Variants in LHX8 observed in about 807,000 individuals in gnomAD.
LHX8 encodes LIM homeobox 8.
In LHX8, 12 loss-of-function variants were observed where a neutral mutation model predicts 40.3. That is an observed-to-expected ratio of 0.30 (90% CI 0.19 to 0.48). LHX8 has a LOEUF of 0.48. Among genes scored for constraint, LHX8 ranks in the 20% least tolerant of loss-of-function variants. The pLI, the probability that LHX8 is intolerant of heterozygous loss-of-function variation, is 0.99. For synonymous variants in LHX8, 179 were observed against 162.0 expected, an observed-to-expected ratio of 1.10 and a Z score of -0.80; for missense variants, 344 against 433.7, an observed-to-expected ratio of 0.79 and a Z score of 1.84.
the LHX8 span, among the ~76,000 whole-genome samples, chr1:75,175,856 G>A: frequency 1.3e-5 from 2 of 152,004 alleles, no homozygotes; most frequent in African/African-American, 2.4e-5. Context: ...GGTGTGTGAT[G>A]TTCCCTGCCC....
rs747922837 is a variant in LHX8 at position 75,160,907 on chromosome 1, G to A, written c.*12G>A. Reference sequence around the variant, plus strand: ...TAAGTCATACCTAATTCTTTTTTCAGGGATAGACTTGATTAAGGATATAAA... The same window carrying A: ...TAAGTCATACCTAATTCTTTTTTCAAGGATAGACTTGATTAAGGATATAAA... On this transcript the variant is annotated 3_prime_UTR_variant, in exon 9 of 9. Coordinates refer to ENST00000356261, the MANE Select transcript of LHX8 (RefSeq NM_001256114.2). 6.3e-7 allele frequency: 1 copy of A among 1,574,886 alleles called. No homozygotes were observed. Among genetic ancestry groups the A allele is most frequent in the East Asian group, 2.2e-5 (1 of 44,680 alleles).
At chr1:75,133,440 G>T (rs1179220525), upstream of LHX8, among the ~76,000 whole-genome samples, 1 of 152,126 alleles carries the variant, frequency 6.6e-6, no homozygotes, top group African/African-American at 2.4e-5. Flanking sequence ...GTGTGTGCGT[G>T]TGTGTGTTTT....
chr1:75,147,529 G>A (rs1438473111), intron 6 of LHX8, among the ~76,000 whole-genome samples: 2 of 152,150 alleles, frequency 1.3e-5, no homozygotes, highest in African/African-American at 4.8e-5. Flanking sequence ...CATTATATGA[G>A]GAGCATAGTG....
At chr1:75,132,217 A>T (rs1647992051), upstream of LHX8, 1 of 152,192 alleles carries the variant, frequency 6.6e-6, no homozygotes, top group South Asian at 2.1e-4. Flanking sequence ...ACCCCTGACA[A>T]AAGGTCAGAA....
rs1370960423 is a variant in LHX8 at position 75,136,612 on chromosome 1, C to T, written c.-3C>T. On this transcript the variant is annotated 5_prime_UTR_variant, in exon 2 of 9. Coordinates refer to ENST00000356261, the MANE Select transcript of LHX8 (RefSeq NM_001256114.2). The stretch of plus-strand genomic sequence containing the variant: ...CCCTCCTACTCCGCAGTGTCAGGGG[C>T]TCATGTCAGAGGAGTGCGGGCGGAC... The T allele has an allele frequency of 1.2e-5, 18 of 1,549,924 alleles. No individual in the cohort carries two copies. The highest frequency in any genetic ancestry group is 1.6e-5 in the Non-Finnish European group (18 of 1,146,474).
At chr1:75,134,346 C>CT (rs1005872218), upstream of LHX8, among the ~76,000 whole-genome samples, 105 of 146,500 alleles carry the variant, frequency 7.2e-4, no homozygotes, top group Middle Eastern at 3.5e-3. Context: ...GAAAACAAAA[C>CT]TTTTTTTTTT....
At chr1:75,174,616 G>T in the LHX8 span, among the ~76,000 whole-genome samples, 2 of 151,980 alleles carry the variant, frequency 1.3e-5, no homozygotes, top group Admixed American at 1.3e-4. Flanking sequence ...CTGCCCTTTA[G>T]CCCTGAAATT....
At chr1:75,187,786 A>G in the LHX8 span, among the ~76,000 whole-genome samples, 1 of 152,160 alleles carries the variant, frequency 6.6e-6, no homozygotes, top group African/African-American at 2.4e-5. Context: ...CACCTGAAGG[A>G]TACTAAAGCC....
the LHX8 span, among the ~76,000 whole-genome samples, chr1:75,187,487 T>C: frequency 2.6e-5 from 4 of 152,200 alleles, no homozygotes; most frequent in Non-Finnish European, 1.5e-5. Context: ...TTGTTGGCTA[T>C]TGGAAAGGGT....
At chr1:75,135,592 G>A (rs1160473770) in intron 1 of LHX8, among the ~76,000 whole-genome samples, 1 of 152,198 alleles carries the variant, frequency 6.6e-6, no homozygotes, top group Non-Finnish European at 1.5e-5. Context: ...GCAGAAGTGC[G>A]AGCCGCTCGA....
chr1:75,185,511 A>G, the LHX8 span, among the ~76,000 whole-genome samples: 1 of 150,338 alleles, frequency 6.7e-6, no homozygotes, highest in Non-Finnish European at 1.5e-5. Context: ...ACATATGATT[A>G]CCTCAATAAA....
chr1:75,151,596 T>C (rs1381163174), intron 7 of LHX8, among the ~76,000 whole-genome samples: 1 of 152,228 alleles, frequency 6.6e-6, no homozygotes, highest in Non-Finnish European at 1.5e-5. Context: ...TTCTCATTAT[T>C]GAAAGGCTAC....
At chr1:75,131,261 C>G (rs1042871313), upstream of LHX8, 1 of 181,384 alleles carries the variant, frequency 5.5e-6, no homozygotes, top group African/African-American at 2.3e-5. Flanking sequence ...TCCGAGTTTC[C>G]GGAGATTGCC....
intron 4 of LHX8, 139 bp downstream of exon 4, chr1:75,141,245 C>A: frequency 1.1e-6 from 1 of 888,154 alleles, no homozygotes. Flanking sequence ...AATGAGGGTG[C>A]TTTCCTGTTT....
In LHX8 at chr1:75,137,739, C is replaced by T. The variant is rs116184886; in HGVS notation, c.237+478C>T. 9.1e-3 allele frequency among the ~76,000 whole-genome samples: 1,387 copies of T among 152,276 alleles called. 26 individuals carry two copies. Among genetic ancestry groups the T allele is most frequent in the African/African-American group, 0.032 (1,332 of 41,544 alleles). ...TAAGTTGGTATGTATTAACTGATTC[C>T]CTTTTGCAGTGTCTCTTTTGGTGAA... On this transcript the variant is annotated intron_variant, in intron 3 of 8. Coordinates refer to ENST00000356261, the MANE Select transcript of LHX8 (RefSeq NM_001256114.2).
chr1:75,183,402 G>A, the LHX8 span, among the ~76,000 whole-genome samples: 1 of 152,046 alleles, frequency 6.6e-6, no homozygotes, highest in Admixed American at 6.5e-5. Flanking sequence ...CCTACAAAGG[G>A]AACCTCATCA....
chr1:75,128,709 T>C (rs1314650967), intron 1 of LHX8: 1 of 152,220 alleles, frequency 6.6e-6, no homozygotes, highest in African/African-American at 2.4e-5. Flanking sequence ...ACTGCCATTT[T>C]CACAATATTC....
chr1:75,181,927 A>G, the LHX8 span, among the ~76,000 whole-genome samples: 1 of 151,856 alleles, frequency 6.6e-6, no homozygotes, highest in Non-Finnish European at 1.5e-5. Flanking sequence ...GTTACAAAAA[A>G]TTTTCTCCCA....
the LHX8 span, among the ~76,000 whole-genome samples, chr1:75,171,962 G>A: frequency 6.6e-6 from 1 of 152,034 alleles, no homozygotes; most frequent in South Asian, 2.1e-4. Flanking sequence ...GTTTGTGTAG[G>A]GCGAGAAATA....
Sources: gnomAD v4.1 joint callset for allele counts (sites outside exome capture counted in the v4.1 genomes callset) on GRCh38, gnomAD v4.1.1 for gene constraint, MANE v1.5 for transcripts, NCBI Gene and HGNC (gene_info 2026-07-23, HGNC 2026-07-21) for gene names.